Variants in PSPC1 observed in about 807,000 individuals in gnomAD.
PSPC1 encodes paraspeckle protein 1.
PSPC1 carries 14 observed loss-of-function variants against 51.6 expected under a neutral mutation model. The ratio of observed to expected loss-of-function variants is 0.27; its 90% CI spans 0.18 to 0.42. The LOEUF (loss-of-function observed/expected upper bound fraction) is 0.42. PSPC1 is among the 10% of genes least tolerant of loss of function. The pLI, the probability that PSPC1 is intolerant of heterozygous loss-of-function variation, is 1.00. For synonymous variants in PSPC1, 193 were observed against 231.9 expected (o/e 0.83, Z 1.53); for missense variants, 406 against 701.1 (o/e 0.58, Z 4.75).
At chr13:19,755,442 G>C (rs1461182154) in intron 3 of PSPC1, among the ~76,000 whole-genome samples, 1 of 151,958 alleles carries the variant, frequency 6.6e-6, no homozygotes, top group Non-Finnish European at 1.5e-5. Flanking sequence ...ACAACAATTA[G>C]CTGAGCATGG....
chr13:19,711,615 G>C (rs1171302733), intron 6 of PSPC1, among the ~76,000 whole-genome samples: 14 of 138,480 alleles, frequency 1.0e-4, no homozygotes, highest in Admixed American at 2.3e-4. Context: ...TCCAGCCTGG[G>C]CAACAAAGAG....
chr13:19,735,452 C>T (rs558635441), intron 5 of PSPC1, among the ~76,000 whole-genome samples: 162 of 152,294 alleles, frequency 1.1e-3, no homozygotes, highest in Non-Finnish European at 1.8e-3. Flanking sequence ...ATGTAAGCCC[C>T]TCATCCTGGT....
At chr13:19,728,562 A>G (rs1028511586) in intron 6 of PSPC1, among the ~76,000 whole-genome samples, 1 of 152,120 alleles carries the variant, frequency 6.6e-6, no homozygotes, top group African/African-American at 2.4e-5. Flanking sequence ...GAATGGCCTC[A>G]ATGCATTCTT....
At chr13:19,704,494 C>T (rs1593572161) in intron 8 of PSPC1, among the ~76,000 whole-genome samples, 1 of 152,298 alleles carries the variant, frequency 6.6e-6, no homozygotes, top group Admixed American at 6.5e-5. Context: ...CTGAGTCTAA[C>T]AGGCAGTGCT....
intron 6 of PSPC1, among the ~76,000 whole-genome samples, chr13:19,689,011 C>T (rs1466458664): frequency 6.6e-6 from 1 of 150,464 alleles, no homozygotes. Flanking sequence ...CACTAGCACC[C>T]AGGCTATTTT....
rs371613642 is a variant in PSPC1, at chr13:19,706,129, C to T, written c.1217-298G>A. The stretch of plus-strand genomic sequence containing the variant: ...ATCACTATTATTTTGTAATAGCAGG[C>T]TTTTAAACCAAAGAATCCCTAACAA... On this transcript the variant is annotated intron_variant, in intron 7 of 8. Coordinates refer to ENST00000338910, the MANE Select transcript of PSPC1 (RefSeq NM_001354909.2). Among the ~76,000 whole-genome samples, 3 of 152,092 alleles carry T rather than the reference C, an allele frequency of 2.0e-5. No homozygotes were observed. In the East Asian group the frequency reaches 5.8e-4, roughly 29 times the overall value.
At chr13:19,778,323 A>G (rs1320593011) in intron 1 of PSPC1, among the ~76,000 whole-genome samples, 1 of 150,040 alleles carries the variant, frequency 6.7e-6, no homozygotes, top group East Asian at 2.0e-4. Context: ...ATACCGTACC[A>G]TGTAATTACA....
At chr13:19,769,966 C>A (rs9508884) in intron 2 of PSPC1, among the ~76,000 whole-genome samples, 10 of 152,256 alleles carry the variant, frequency 6.6e-5, no homozygotes, top group African/African-American at 2.4e-4. Context: ...CACAAGAAGC[C>A]TTGTAAACAA....
At chr13:19,710,978 C>T (rs1309786941) in intron 6 of PSPC1, among the ~76,000 whole-genome samples, 1 of 151,918 alleles carries the variant, frequency 6.6e-6, no homozygotes, top group Non-Finnish European at 1.5e-5. Flanking sequence ...GATGGGATGA[C>T]AAGCATGCAC....
At chr13:19,688,622 T>C (rs1342537271) in intron 6 of PSPC1, among the ~76,000 whole-genome samples, 1 of 152,220 alleles carries the variant, frequency 6.6e-6, no homozygotes, top group African/African-American at 2.4e-5. Flanking sequence ...CAGGAGCACC[T>C]CATATCTACC....
rs564657788 is a variant in PSPC1, at chr13:19,728,485, C to G, written c.1158+1754G>C. On this transcript the variant is annotated intron_variant, in intron 6 of 8. Transcript: ENST00000338910. ...ACACACACACACACACACACACACACAGCATTAAAATTGTTTAACAATTTT... is the reference window on the plus strand; with the variant it reads ...ACACACACACACACACACACACACAGAGCATTAAAATTGTTTAACAATTTT... Among the ~76,000 whole-genome samples the G allele has an allele frequency of 5.3e-5, 7 of 132,930 alleles. No individual in the cohort carries two copies. In the South Asian group the frequency reaches 9.9e-4, roughly 19 times the overall value. The allele number at this position is 132,930 out of a possible 152,430, so 87.2% of individuals were successfully genotyped here.
intron 6 of PSPC1, among the ~76,000 whole-genome samples, chr13:19,680,352 A>T (rs1348636666): frequency 6.6e-6 from 1 of 152,232 alleles, no homozygotes; most frequent in Non-Finnish European, 1.5e-5. Flanking sequence ...TTTTCTTATT[A>T]CTTCTATTCA....
At chr13:19,682,074 G>T (rs1877328386) in intron 6 of PSPC1, among the ~76,000 whole-genome samples, 1 of 152,072 alleles carries the variant, frequency 6.6e-6, no homozygotes, top group Non-Finnish European at 1.5e-5. Flanking sequence ...GACTATGAAA[G>T]CAACAAACAT....
intron 4 of PSPC1, among the ~76,000 whole-genome samples, chr13:19,746,542 T>A (rs1366116718): frequency 1.3e-5 from 2 of 151,474 alleles, no homozygotes; most frequent in East Asian, 3.9e-4. Flanking sequence ...CTGGCCAACA[T>A]GGCAAAGCCC....
downstream of PSPC1, chr13:19,671,374 G>A (rs891439677): frequency 8.1e-7 from 1 of 1,232,856 alleles, no homozygotes; most frequent in Non-Finnish European, 1.2e-6. Flanking sequence ...AAAATTCCAA[G>A]AATCCTGGTG....
intron 5 of PSPC1, among the ~76,000 whole-genome samples, chr13:19,734,573 C>T (rs532693427): frequency 1.8e-4 from 28 of 151,986 alleles, no homozygotes; most frequent in African/African-American, 3.4e-4. Context: ...AGGCCAAGGC[C>T]GGCAGATCAC....
At chr13:19,707,005 C>T (rs1880762408) in intron 7 of PSPC1, among the ~76,000 whole-genome samples, 1 of 152,046 alleles carries the variant, frequency 6.6e-6, no homozygotes, top group Non-Finnish European at 1.5e-5. Flanking sequence ...CAGTATAGCC[C>T]TAAATAGCTA....
intron 5 of PSPC1, among the ~76,000 whole-genome samples, chr13:19,731,440 G>T (rs1884102604): frequency 6.6e-6 from 1 of 151,924 alleles, no homozygotes; most frequent in African/African-American, 2.4e-5. Flanking sequence ...TTGAGACAGG[G>T]TCTTACTCTG....
downstream of PSPC1, among the ~76,000 whole-genome samples, chr13:19,701,726 T>G (rs1244255257): frequency 6.6e-6 from 1 of 152,210 alleles, no homozygotes; most frequent in Admixed American, 6.5e-5. Flanking sequence ...CAGACACCAC[T>G]ATTTACATAG....
Sources: gnomAD v4.1 joint callset for allele counts (sites outside exome capture counted in the v4.1 genomes callset) on GRCh38, gnomAD v4.1.1 for gene constraint, MANE v1.5 for transcripts, NCBI Gene and HGNC (gene_info 2026-07-23, HGNC 2026-07-21) for gene names.